The following COBL variants were observed in gnomAD, a reference collection of about 807,000 sequenced individuals.
COBL encodes the protein cordon-bleu WH2 repeat protein, also known as protein cordon-bleu.
In COBL, 51 loss-of-function variants were observed where a neutral mutation model predicts 98.8. The observed-to-expected ratio is 0.52, with a 90% CI of 0.41 to 0.65. The LOEUF (loss-of-function observed/expected upper bound fraction) is 0.65, where lower values mean the gene tolerates loss of function less well. COBL is among the 30% of genes least tolerant of loss of function. The pLI, the probability that COBL is intolerant of heterozygous loss-of-function variation, is 0.00. For synonymous variants in COBL, 634 were observed against 651.7 expected, an observed-to-expected ratio of 0.97 and a Z score of 0.41; for missense variants, 1,617 against 1,617.5, an observed-to-expected ratio of 1.00 and a Z score of 0.01.
intron 2 of COBL, among the ~76,000 whole-genome samples, chr7:51,213,422 G>C (rs1336317603): frequency 6.6e-6 from 1 of 152,170 alleles, no homozygotes; most frequent in African/African-American, 2.4e-5. Flanking sequence ...TACACATAAT[G>C]CGCTTGAATC....
intron 7 of COBL, among the ~76,000 whole-genome samples, chr7:51,052,088 G>A (rs376143634): frequency 1.3e-5 from 2 of 152,110 alleles, no homozygotes; most frequent in East Asian, 1.9e-4. Flanking sequence ...ATTCTGCAGT[G>A]TTCAAATGGA....
chr7:51,164,929 G>A (rs997340596), intron 5 of COBL, among the ~76,000 whole-genome samples: 18 of 151,776 alleles, frequency 1.2e-4, no homozygotes, highest in African/African-American at 2.4e-4. Flanking sequence ...TTTATGCAGC[G>A]TTATGTTCTA....
chr7:51,126,188 C>T lies in COBL; in HGVS notation c.957+9970G>A, dbSNP rs10265410. 7.7e-3 allele frequency among the ~76,000 whole-genome samples: 1,174 copies of T among 152,208 alleles called. 9 individuals are homozygous for T. The highest frequency in any genetic ancestry group is 0.027 in the African/African-American group (1,122 of 41,548). Reference sequence around the variant, plus strand: ...ACTAGAAATATAAAAATTAGCCAGCCGTGGTAGCATGCGCCTGCAATCCCA... The same window carrying T: ...ACTAGAAATATAAAAATTAGCCAGCTGTGGTAGCATGCGCCTGCAATCCCA... On this transcript the variant is annotated intron_variant, in intron 6 of 12. Coordinates refer to ENST00000265136, the MANE Select transcript of COBL (RefSeq NM_015198.5).
intron 1 of COBL, among the ~76,000 whole-genome samples, chr7:51,275,375 T>C (rs1028219549): frequency 6.6e-6 from 1 of 152,276 alleles, no homozygotes; most frequent in African/African-American, 2.4e-5. Flanking sequence ...TGAAGAAAGT[T>C]CTATGTCAAG....
At chr7:51,038,623 T>A (rs896255063) in intron 8 of COBL, among the ~76,000 whole-genome samples, 1 of 152,224 alleles carries the variant, frequency 6.6e-6, no homozygotes, top group Admixed American at 6.5e-5. Context: ...AAACCGTGTT[T>A]AGTGAATACC....
rs1799234375 is a variant in COBL at position 51,136,300 on chromosome 7, A to G, written c.815T>C (p.Met272Thr). 6.2e-7 allele frequency: 1 copy of G among 1,614,014 alleles called. No individual in the cohort carries two copies. Among genetic ancestry groups the G allele is most frequent in the Non-Finnish European group, 8.5e-7 (1 of 1,179,994 alleles). The change falls in exon 6 of 13, where the codon ATG becomes ACG. Residue 272 changes from methionine (M) to threonine (T), a missense_variant. Met to Thr is a moderately conservative substitution (Grantham distance 81). Transcript: ENST00000265136. ...ACCCAGCGTAAGAGAACGTGAGTGC[A>G]TGGATGGGGAGTTGGGGGTCGTTAA... ...GCLTTPNSPS[M>T]HSRSLTLGPS...
At chr7:51,110,963 G>T (rs1445590066) in intron 6 of COBL, among the ~76,000 whole-genome samples, 2 of 152,162 alleles carry the variant, frequency 1.3e-5, no homozygotes, top group Admixed American at 6.5e-5. Context: ...TTGGTTCCAC[G>T]ATTTTGCAAT....
rs1295801644 is a variant in COBL, at chr7:51,303,135, A to T, written c.41+13458T>A. 3.3e-5 allele frequency among the ~76,000 whole-genome samples: 5 copies of T among 152,366 alleles called. No individual in the cohort carries two copies. In the East Asian group the frequency reaches 9.6e-4, roughly 29 times the overall value. On this transcript the variant is annotated intron_variant, in intron 1 of 12. Coordinates refer to ENST00000265136, the MANE Select transcript of COBL (RefSeq NM_015198.5). ...CCGAGCCTCATGACAAAGTTAACAC[A>T]ATAGATCATACTTTCAGATTTATGC...
chr7:51,066,914 CCTAT>C lies in COBL; in HGVS notation c.1096+18248_1096+18251del, dbSNP rs756349912. On this transcript the variant is annotated intron_variant, in intron 7 of 12. Transcript: ENST00000265136. ...TAACATGGTTGATTTGGATTTCTGC[CCTAT>C]CTAACTATGGAAGACTATTCATTTA... is the stretch of plus-strand genomic sequence containing the variant. Among the ~76,000 whole-genome samples, 7 of 152,334 alleles carry C rather than the reference CCTAT, an allele frequency of 4.6e-5. No individual in the cohort carries two copies. The East Asian group carries it at 5.8e-4, about 13-fold the overall frequency.
At position 51,277,460 on chromosome 7, in the gene COBL, TA is replaced by T. The variant is rs1799414627; in HGVS notation, c.41+39132del. Among the ~76,000 whole-genome samples, 4 of 152,262 alleles carry T rather than the reference TA, an allele frequency of 2.6e-5. No individual in the cohort carries two copies. The East Asian group carries it at 7.7e-4, about 29-fold the overall frequency. ...TCTTTGTTATTCCAAAATAAAAAGT[TA>T]AAAAATATATCTTTAAAAATTGACG... On this transcript the variant is annotated intron_variant, in intron 1 of 12. Coordinates refer to ENST00000265136, the MANE Select transcript of COBL (RefSeq NM_015198.5).
intron 2 of COBL, among the ~76,000 whole-genome samples, chr7:51,217,340 C>CTTTTTT (rs937958755): frequency 0.02 from 2,604 of 127,322 alleles, 89 homozygotes; most frequent in African/African-American, 0.065. Flanking sequence ...TTTTCTTTTT[C>CTTTTTT]TTTTTTTTTT....
intron 7 of COBL, among the ~76,000 whole-genome samples, chr7:51,063,291 C>T (rs1014585092): frequency 1.5e-4 from 23 of 151,960 alleles, no homozygotes; most frequent in East Asian, 1.9e-4. Context: ...CCCACCACCG[C>T]GCCCGGCTAA....
intron 7 of COBL, among the ~76,000 whole-genome samples, chr7:51,075,075 T>C (rs1792936863): frequency 6.6e-6 from 1 of 152,234 alleles, no homozygotes. Context: ...GAAAGATATA[T>C]GTTGGAATTT....
intron 1 of COBL, among the ~76,000 whole-genome samples, chr7:51,254,534 A>G (rs1797030338): frequency 2.0e-5 from 3 of 152,148 alleles, no homozygotes; most frequent in Admixed American, 6.5e-5. Flanking sequence ...GTGCACATAT[A>G]CCCTTGTTAT....
intron 3 of COBL, among the ~76,000 whole-genome samples, chr7:51,191,699 T>C (rs1199471429): frequency 6.6e-6 from 1 of 152,124 alleles, no homozygotes; most frequent in African/African-American, 2.4e-5. Flanking sequence ...ACACCAGGCA[T>C]ATATAATAAT....
intron 7 of COBL, among the ~76,000 whole-genome samples, chr7:51,058,993 T>G (rs952973144): frequency 6.6e-6 from 1 of 152,152 alleles, no homozygotes; most frequent in South Asian, 2.1e-4. Flanking sequence ...AGACTGCACA[T>G]GTTAGGGTCA....
intron 12 of COBL, chr7:51,020,921 T>C (rs955526041): frequency 3.3e-5 from 5 of 152,268 alleles, no homozygotes; most frequent in Admixed American, 3.3e-4. Flanking sequence ...TTTACCCTTT[T>C]GTATTTGATC....
In COBL at chr7:51,282,880, G is replaced by A. The variant is rs76966655; in HGVS notation, c.41+33713C>T. On this transcript the variant is annotated intron_variant, in intron 1 of 12. Transcript: ENST00000265136. ...TCTCTAACCATACTGAAATTAGACC[G>A]GAAATCAGTAACAAAGATAACCATA... 6.4e-3 allele frequency among the ~76,000 whole-genome samples: 976 copies of A among 151,916 alleles called. 23 individuals carry two copies. Among genetic ancestry groups the A allele is most frequent in the East Asian group, 0.033 (170 of 5,180 alleles).
intron 5 of COBL, among the ~76,000 whole-genome samples, chr7:51,146,407 T>C (rs2129016466): frequency 6.6e-6 from 1 of 152,236 alleles, no homozygotes; most frequent in South Asian, 2.1e-4. Context: ...CCAGGCATAC[T>C]CATCTCAAGG....
Sources: gnomAD v4.1 joint callset for allele counts (sites outside exome capture counted in the v4.1 genomes callset) on GRCh38, gnomAD v4.1.1 for gene constraint, MANE v1.5 for transcripts, NCBI Gene and HGNC (gene_info 2026-07-23, HGNC 2026-07-21) for gene names.